Variants in ZFAND3 observed in about 807,000 individuals in gnomAD.
ZFAND3 encodes AN1-type zinc finger protein 3.
Under a neutral mutation model 29.6 loss-of-function variants are expected in ZFAND3, and 10 were observed. That is an observed-to-expected ratio of 0.34 (90% CI 0.21 to 0.57). The LOEUF is 0.57. ZFAND3 is among the 20% of genes least tolerant of loss of function. The pLI is 0.86. For missense variants in ZFAND3, 230 were observed against 304.5 expected, an observed-to-expected ratio of 0.76 and a Z score of 1.82; for synonymous variants, 128 against 112.6, an observed-to-expected ratio of 1.14 and a Z score of -0.87.
intron 3 of ZFAND3, among the ~76,000 whole-genome samples, chr6:38,064,233 G>A (rs1482900601): frequency 6.6e-6 from 1 of 152,178 alleles, no homozygotes; most frequent in Non-Finnish European, 1.5e-5. Context: ...CCAGGATCGG[G>A]CCACCACAAA....
chr6:38,113,243 T>C (rs1581928587), intron 4 of ZFAND3, among the ~76,000 whole-genome samples: 1 of 152,224 alleles, frequency 6.6e-6, no homozygotes, highest in African/African-American at 2.4e-5. Context: ...AGACTTCCTG[T>C]ACATGGATGC....
intron 2 of ZFAND3, among the ~76,000 whole-genome samples, chr6:37,953,891 C>A (rs576650415): frequency 1.5e-4 from 23 of 152,228 alleles, no homozygotes; most frequent in African/African-American, 4.8e-4. Context: ...TGAAGAATTT[C>A]TTTTAACATT....
intron 5 of ZFAND3, among the ~76,000 whole-genome samples, chr6:38,130,053 C>T (rs1765713206): frequency 6.6e-6 from 1 of 151,484 alleles, no homozygotes; most frequent in Non-Finnish European, 1.5e-5. Flanking sequence ...TAGGTATATT[C>T]CTAAGTTTTC....
intron 1 of ZFAND3, among the ~76,000 whole-genome samples, chr6:37,923,662 G>C (rs1365718086): frequency 6.6e-6 from 1 of 152,138 alleles, no homozygotes; most frequent in Non-Finnish European, 1.5e-5. Flanking sequence ...TTATATGACT[G>C]ACAGCACAGT....
chr6:37,997,304 A>G (rs1407319297), intron 2 of ZFAND3, among the ~76,000 whole-genome samples: 1 of 152,174 alleles, frequency 6.6e-6, no homozygotes, highest in Non-Finnish European at 1.5e-5. Flanking sequence ...TAGTTCCTAT[A>G]TTTTCAGGAG....
chr6:38,088,847 G>A (rs1054399918), intron 4 of ZFAND3, among the ~76,000 whole-genome samples: 1 of 152,202 alleles, frequency 6.6e-6, no homozygotes, highest in African/African-American at 2.4e-5. Context: ...TAAGGGAGCT[G>A]TAGAAGTGTC....
intron 2 of ZFAND3, among the ~76,000 whole-genome samples, chr6:38,029,023 A>G (rs986803370): frequency 4.6e-5 from 7 of 152,184 alleles, no homozygotes; most frequent in African/African-American, 1.7e-4. Context: ...ATTGAACTTT[A>G]CATAATAACC....
chr6:37,986,295 T>C (rs1431822878), intron 2 of ZFAND3, among the ~76,000 whole-genome samples: 1 of 152,186 alleles, frequency 6.6e-6, no homozygotes, highest in East Asian at 1.9e-4. Flanking sequence ...TCACTTACAT[T>C]ACCTGCCTTA....
intron 1 of ZFAND3, among the ~76,000 whole-genome samples, chr6:37,927,895 T>TGTA (rs1397097771): frequency 1.3e-5 from 2 of 152,224 alleles, no homozygotes; most frequent in African/African-American, 2.4e-5. Flanking sequence ...ATTCACTTAC[T>TGTA]AGTTCTGTAA....
At chr6:37,839,501 A>G (rs1186307891) in intron 1 of ZFAND3, among the ~76,000 whole-genome samples, 1 of 118,582 alleles carries the variant, frequency 8.4e-6, no homozygotes, top group East Asian at 2.6e-4. Flanking sequence ...TTTATTTTTT[A>G]TTTTTTGTTG....
chr6:37,977,826 C>CA lies in ZFAND3; in HGVS notation c.112+47827_112+47828insA, dbSNP rs1762509090. The stretch of plus-strand genomic sequence containing the variant: ...AATGAATGTTGAATTTTGTAAAATG[C>CA]TTTTCCTTCCTTCCTTCCTTCCTTC... On this transcript the variant is annotated intron_variant, in intron 2 of 5. Coordinates refer to ENST00000287218, the MANE Select transcript of ZFAND3 (RefSeq NM_021943.3). Among the ~76,000 whole-genome samples, 2 of 3,160 alleles carry CA rather than the reference C, an allele frequency of 6.3e-4. 1 individual carries two copies. Among genetic ancestry groups the CA allele is most frequent in the South Asian group, 0.026 (2 of 76 alleles). 2.1% of individuals were successfully genotyped at this position (3,160 alleles called of 152,430 possible).
intron 2 of ZFAND3, among the ~76,000 whole-genome samples, chr6:38,034,114 TTAAGAAAAGCCTATTA>T: frequency 6.6e-6 from 1 of 152,306 alleles, no homozygotes; most frequent in African/African-American, 2.4e-5. Flanking sequence ...CCTCAGCTTT[TTAAGAAAAGCCTATTA>T]TGTTTTACAT....
intron 2 of ZFAND3, among the ~76,000 whole-genome samples, chr6:37,936,208 G>A (rs1484891309): frequency 1.3e-5 from 2 of 152,120 alleles, no homozygotes; most frequent in African/African-American, 4.8e-5. Flanking sequence ...TCACAAGTGG[G>A]GAAGGCAGAA....
chr6:37,847,249 G>A (rs1764198377), intron 1 of ZFAND3, among the ~76,000 whole-genome samples: 1 of 151,926 alleles, frequency 6.6e-6, no homozygotes, highest in African/African-American at 2.4e-5. Context: ...CTCATGTAAG[G>A]TTATTTGCTC....
intron 2 of ZFAND3, among the ~76,000 whole-genome samples, chr6:37,974,338 T>A (rs541140968): frequency 6.6e-6 from 1 of 151,606 alleles, no homozygotes; most frequent in South Asian, 2.1e-4. Flanking sequence ...CTGCTGGGAT[T>A]ACAGGCGTGA....
At chr6:38,135,037 CAG>C (rs558258598) in intron 5 of ZFAND3, among the ~76,000 whole-genome samples, 112 of 152,290 alleles carry the variant, frequency 7.4e-4, no homozygotes, top group South Asian at 7.0e-3. Flanking sequence ...TGCCTGATGT[CAG>C]GGGGCACTAG....
At chr6:37,882,291 C>T (rs1764911047) in intron 1 of ZFAND3, among the ~76,000 whole-genome samples, 1 of 152,044 alleles carries the variant, frequency 6.6e-6, no homozygotes, top group Admixed American at 6.6e-5. Context: ...CACACGAAGC[C>T]CCTCCCCGTA....
At chr6:38,063,000 G>T (rs1188069082) in intron 3 of ZFAND3, among the ~76,000 whole-genome samples, 1 of 151,886 alleles carries the variant, frequency 6.6e-6, no homozygotes, top group Admixed American at 6.6e-5. Context: ...GAGGCAGGAG[G>T]ATCTCTTGAG....
rs1765031689 is a variant in ZFAND3, at chr6:38,098,716, A to G, written c.361+16259A>G. ...CAGGCGTTTCACTGTGTTAGCCAGG[A>G]TGGTCTCGATCTCCTGACATCGTGA... On this transcript the variant is annotated intron_variant, in intron 4 of 5. Coordinates refer to ENST00000287218, the MANE Select transcript of ZFAND3 (RefSeq NM_021943.3). Among the ~76,000 whole-genome samples, 6 of 151,290 alleles carry G rather than the reference A, an allele frequency of 4.0e-5. No individual in the cohort carries two copies. In the South Asian group the frequency reaches 1.3e-3, roughly 32 times the overall value.
Sources: gnomAD v4.1 joint callset for allele counts (sites outside exome capture counted in the v4.1 genomes callset) on GRCh38, gnomAD v4.1.1 for gene constraint, MANE v1.5 for transcripts, NCBI Gene and HGNC (gene_info 2026-07-23, HGNC 2026-07-21) for gene names.